Variants in GALK1 observed in about 807,000 individuals in gnomAD.
GALK1 encodes the protein galactokinase 1.
GALK1 carries 30 observed loss-of-function variants against 38.6 expected under a neutral mutation model. That is an observed-to-expected ratio of 0.78 (90% confidence interval 0.58 to 1.05). GALK1 has a LOEUF of 1.05. GALK1 is among the 50% of genes least tolerant of loss of function. GALK1 has a pLI of 0.00. For missense variants in GALK1, 512 were observed against 540.5 expected (o/e 0.95, Z 0.52); for synonymous variants, 240 against 233.6 (o/e 1.03, Z -0.25).
Position 75,765,095 on chromosome 17 carries a change from G to A in GALK1, c.42C>T (p.Ala14=), listed in dbSNP as rs905607688. 22 of 1,591,062 alleles carry A rather than the reference G, an allele frequency of 1.4e-5. No individual in the cohort carries two copies. The highest frequency in any genetic ancestry group is 1.7e-4 in the Middle Eastern group (1 of 6,048). The part of the protein sequence containing the change: ...LRQPQVAELL[A]EARRAFREEF... ...CCTCCCGGAAGGCTCGCCGGGCCTC[G>A]GCCAGCAGCTCCGCGACCTGGGGCT... Residue 14 remains alanine, a synonymous_variant, in exon 1 of 8, where the codon GCC becomes GCT. Coordinates refer to ENST00000588479, the MANE Select transcript of GALK1 (RefSeq NM_000154.2).
chr17:75,753,323 T>TC (rs2061411008), downstream of GALK1, among the ~76,000 whole-genome samples: 1 of 152,138 alleles, frequency 6.6e-6, no homozygotes, highest in Non-Finnish European at 1.5e-5. Context: ...GAACCCCAGC[T>TC]CAGCTGCTTC....
At chr17:75,754,981 GAC>G, downstream of GALK1, 1 of 1,529,034 alleles carries the variant, frequency 6.5e-7, no homozygotes, top group East Asian at 2.3e-5. Flanking sequence ...CATGTACACA[GAC>G]ATGCATGCGC....
downstream of GALK1, chr17:75,754,696 G>A (rs755063775): frequency 1.2e-5 from 19 of 1,613,934 alleles, no homozygotes; most frequent in East Asian, 1.8e-4. Flanking sequence ...GTGCCCCACC[G>A]CGTGCTAAGC....
chr17:75,752,707 G>C (rs2061397328), intron 8 of GALK1: 2 of 1,143,142 alleles, frequency 1.7e-6, no homozygotes, highest in Admixed American at 3.9e-5. Context: ...TTGGACAAAT[G>C]CAATGGAGTG....
At chr17:75,764,824 G>A (rs1342238474) in intron 1 of GALK1, 148 bp downstream of exon 1, 4 of 830,652 alleles carry the variant, frequency 4.8e-6, no homozygotes, top group Non-Finnish European at 7.7e-6. Flanking sequence ...CTGTCCCGGG[G>A]ACTCTTCCGT....
chr17:75,761,185 G>C lies in GALK1; in HGVS notation c.793+1519C>G, dbSNP rs547860888. Among the ~76,000 whole-genome samples, 209 of 152,084 alleles carry C rather than the reference G, an allele frequency of 1.4e-3. 1 individual carries two copies. Among genetic ancestry groups the C allele is most frequent in the African/African-American group, 4.7e-3 (193 of 41,458 alleles). On this transcript the variant is annotated intron_variant, in intron 5 of 7. Coordinates refer to ENST00000588479, the MANE Select transcript of GALK1 (RefSeq NM_000154.2). Reference sequence around the variant, plus strand: ...CCACTGCACTGCAGCCTGGGTGACAGAGCAAGACTCTGTCTCAAATAAATA... The same window carrying C: ...CCACTGCACTGCAGCCTGGGTGACACAGCAAGACTCTGTCTCAAATAAATA...
downstream of GALK1, chr17:75,756,918 C>CTGAAG: frequency 6.2e-7 from 1 of 1,611,962 alleles, no homozygotes; most frequent in Non-Finnish European, 8.5e-7. Flanking sequence ...GGGCCGCAGA[C>CTGAAG]GCTGAAGGCA....
chr17:75,754,355 A>C, downstream of GALK1: 4 of 604,410 alleles, frequency 6.6e-6, no homozygotes, highest in East Asian at 2.8e-5. Context: ...TCACACCGAT[A>C]GAGTGGCCGG....
At chr17:75,764,841 G>A (rs1353301162) in intron 1 of GALK1, 131 bp downstream of exon 1, 10 of 982,700 alleles carry the variant, frequency 1.0e-5, no homozygotes, top group Non-Finnish European at 1.2e-5. Context: ...CCGTGCACCG[G>A]TGCTCCAGGC....
chr17:75,757,854 GT>G, downstream of GALK1: 5 of 681,538 alleles, frequency 7.3e-6, no homozygotes, highest in Non-Finnish European at 1.3e-5. Flanking sequence ...GGCCTGAGAG[GT>G]GCTCCCCTAG....
downstream of GALK1, chr17:75,754,431 T>TC: frequency 1.0e-6 from 1 of 988,570 alleles, no homozygotes; most frequent in Non-Finnish European, 1.6e-6. Context: ...AGGGCCTCTG[T>TC]CCCTAGTGGT....
rs536209426 is a variant in GALK1, at chr17:75,765,021, T to G, written c.116A>C (p.Asn39Thr). 22 of 1,610,662 alleles carry G rather than the reference T, an allele frequency of 1.4e-5. No homozygotes were observed. Among genetic ancestry groups the G allele is most frequent in the Non-Finnish European group, 1.9e-5 (22 of 1,178,844 alleles). The change falls in exon 1 of 8, where the codon AAC becomes ACC. Residue 39 changes from asparagine to threonine, a missense_variant. Transcript: ENST00000588479. ...GTAGTCCGTGTGTTCCCCGATGAGG[T>G]TGACGCGGCCCGGCGCTGACACGGC... ...ELAVSAPGRV[N>T]LIGEHTDYNQ...
At chr17:75,755,331 C>A, downstream of GALK1, 1 of 1,119,768 alleles carries the variant, frequency 8.9e-7, no homozygotes, top group Non-Finnish European at 1.3e-6. Context: ...ACAGGACCCC[C>A]GCCTGCCCAC....
At chr17:75,764,579 G>T (rs969687026) in intron 1 of GALK1, 2 of 452,226 alleles carry the variant, frequency 4.4e-6, no homozygotes, top group Admixed American at 5.5e-5. Flanking sequence ...TAAATTGAAC[G>T]GGCTGGGCCA....
chr17:75,753,793 G>C (rs747930115), downstream of GALK1: 10 of 1,459,708 alleles, frequency 6.9e-6, no homozygotes, highest in South Asian at 4.2e-5. Context: ...AGCCCCTGCT[G>C]GGGGAGGAGC....
chr17:75,757,988 C>T lies in GALK1; in HGVS notation c.*68G>A. On this transcript the variant is annotated 3_prime_UTR_variant, in exon 8 of 8. Transcript: ENST00000588479. ...GAGCACCCGGATATGGAAGATGGCA[C>T]CGGGCACAGAGCCGTGGGACTGGCC... The T allele has an allele frequency of 1.3e-6, 2 of 1,554,428 alleles. No individual in the cohort carries two copies. Among genetic ancestry groups the T allele is most frequent in the Non-Finnish European group, 1.8e-6 (2 of 1,133,072 alleles).
downstream of GALK1, chr17:75,756,396 G>A: frequency 6.2e-7 from 1 of 1,611,034 alleles, no homozygotes; most frequent in Non-Finnish European, 8.5e-7. Flanking sequence ...GAGTAACACT[G>A]CACTACTGTG....
downstream of GALK1, chr17:75,757,105 G>A (rs1372391029): frequency 1.2e-6 from 2 of 1,612,850 alleles, no homozygotes; most frequent in African/African-American, 1.3e-5. Context: ...TCCCAGGATG[G>A]AGGTAGGCAC....
chr17:75,757,160 T>G, downstream of GALK1: 1 of 1,612,090 alleles, frequency 6.2e-7, no homozygotes, highest in East Asian at 2.2e-5. Context: ...CGTGCCTCCT[T>G]CTGGCACCAC....
Sources: allele counts gnomAD v4.1 joint callset (sites outside exome capture counted in the v4.1 genomes callset), GRCh38; gene constraint gnomAD v4.1.1; transcripts MANE v1.5; gene names NCBI Gene and HGNC (gene_info 2026-07-23, HGNC 2026-07-21).